Variants in IQCK observed in about 807,000 individuals in gnomAD.
The protein encoded by IQCK is IQ motif containing K, also known as IQ domain-containing protein K.
In IQCK, 29 loss-of-function variants were observed where a neutral mutation model predicts 28.1. The observed-to-expected ratio is 1.03, with a 90% CI of 0.77 to 1.41. The LOEUF (loss-of-function observed/expected upper bound fraction) is 1.41, where lower values mean the gene tolerates loss of function less well. IQCK is among the 40% of genes most tolerant of loss of function. The pLI, the probability that IQCK is intolerant of heterozygous loss-of-function variation, is 0.00. For missense variants in IQCK, 359 were observed against 314.7 expected, an observed-to-expected ratio of 1.14 and a Z score of -1.07; for synonymous variants, 113 against 115.1, an observed-to-expected ratio of 0.98 and a Z score of 0.12.
chr16:19,856,470 C>G lies in IQCK; in HGVS notation c.803-17C>G. On this transcript the variant is annotated splice_polypyrimidine_tract_variant and intron_variant, in intron 9 of 9. Coordinates refer to the IQCK transcript ENST00000320394. ...GTATGTAAATTGATCCTGACTTTCCCTTTCTTTTCTTTGCAGTGAAATGCA... is the reference window on the plus strand; with the variant it reads ...GTATGTAAATTGATCCTGACTTTCCGTTTCTTTTCTTTGCAGTGAAATGCA... 1.9e-6 allele frequency: 3 copies of G among 1,610,556 alleles called. No individual in the cohort carries two copies. The highest frequency in any genetic ancestry group is 2.5e-6 in the Non-Finnish European group (3 of 1,177,336).
At chr16:19,750,426 C>G (rs534436799) in intron 4 of IQCK, among the ~76,000 whole-genome samples, 10 of 150,314 alleles carry the variant, frequency 6.7e-5, no homozygotes, top group African/African-American at 1.5e-4. Flanking sequence ...TGCGCCTGGC[C>G]TAAGTTAATG....
intron 1 of IQCK, among the ~76,000 whole-genome samples, chr16:19,725,817 C>A (rs1001055004): frequency 2.6e-5 from 4 of 152,162 alleles, no homozygotes. Flanking sequence ...CTTCATACTT[C>A]TACATAATCA....
intron 6 of IQCK, among the ~76,000 whole-genome samples, chr16:19,778,600 C>G (rs905062131): frequency 9.2e-5 from 14 of 151,700 alleles, no homozygotes; most frequent in Non-Finnish European, 2.9e-5. Flanking sequence ...GAGGCTGCAG[C>G]GAGCCATTAA....
At chr16:19,775,279 C>T (rs2055375770) in intron 6 of IQCK, among the ~76,000 whole-genome samples, 1 of 151,210 alleles carries the variant, frequency 6.6e-6, no homozygotes, top group South Asian at 2.1e-4. Context: ...ATTCTTGCCA[C>T]TTTACTCTAG....
At chr16:19,823,026 G>T (rs1229173714) in intron 7 of IQCK, among the ~76,000 whole-genome samples, 4 of 152,086 alleles carry the variant, frequency 2.6e-5, no homozygotes, top group Non-Finnish European at 5.9e-5. Context: ...CTGGGGCTAG[G>T]TGGTAGCTGA....
chr16:19,726,295 T>G (rs1977654184), intron 1 of IQCK, among the ~76,000 whole-genome samples: 1 of 152,238 alleles, frequency 6.6e-6, no homozygotes, highest in Non-Finnish European at 1.5e-5. Context: ...ACCATTTTTT[T>G]CTTTTACATG....
At chr16:19,852,957 G>T (rs368894525) in intron 9 of IQCK, among the ~76,000 whole-genome samples, 2 of 152,132 alleles carry the variant, frequency 1.3e-5, no homozygotes, top group African/African-American at 2.4e-5. Flanking sequence ...AAGTTGATGC[G>T]TGTGGCTTCG....
intron 4 of IQCK, among the ~76,000 whole-genome samples, chr16:19,738,729 A>ACAGTGG (rs2054792774): frequency 1.3e-5 from 2 of 152,088 alleles, no homozygotes; most frequent in African/African-American, 4.8e-5. Flanking sequence ...TATCTCAGTG[A>ACAGTGG]TACAGTGGTA....
chr16:19,823,472 C>CTT (rs758067626), intron 7 of IQCK, among the ~76,000 whole-genome samples: 17 of 152,086 alleles, frequency 1.1e-4, no homozygotes, highest in Non-Finnish European at 4.4e-5. Flanking sequence ...TGAGTTGTGG[C>CTT]TTTAAGAAGA....
chr16:19,746,062 G>C (rs551357596), intron 4 of IQCK, among the ~76,000 whole-genome samples: 6 of 151,762 alleles, frequency 4.0e-5, no homozygotes, highest in Non-Finnish European at 8.8e-5. Flanking sequence ...CCAGCTGCTC[G>C]GGAGGCTGAG....
Position 19,857,504 on chromosome 16 carries a change from T to A in IQCK, c.*956T>A, listed in dbSNP as rs1486167921. 32 of 416,616 alleles carry A rather than the reference T, an allele frequency of 7.7e-5. No homozygotes were observed. The Admixed American group carries it at 1.0e-3, about 13-fold the overall frequency. 25.8% of individuals were successfully genotyped at this position (416,616 alleles called of 1,614,324 possible). On this transcript the variant is annotated 3_prime_UTR_variant, in exon 10 of 10. Coordinates refer to the IQCK transcript ENST00000320394. ...ATAAAGGTACATTATAAAACACACATTAATGCATTTAATAAATATATATTA... is the reference window on the plus strand; with the variant it reads ...ATAAAGGTACATTATAAAACACACAATAATGCATTTAATAAATATATATTA...
intron 1 of IQCK, among the ~76,000 whole-genome samples, chr16:19,727,456 A>G (rs900740436): frequency 6.6e-6 from 1 of 151,562 alleles, no homozygotes; most frequent in Non-Finnish European, 1.5e-5. Context: ...GCATGGCAGC[A>G]TGTGCCTGTA....
chr16:19,799,054 T>G (rs1441289776), intron 7 of IQCK, among the ~76,000 whole-genome samples: 1 of 73,794 alleles, frequency 1.4e-5, no homozygotes, highest in Non-Finnish European at 2.1e-5. Context: ...CAGCAATGCA[T>G]ATAAGCTTTT....
Position 19,775,226 on chromosome 16 carries a change from C to CAA in IQCK, c.605+11132_605+11133dup, listed in dbSNP as rs1269665221. On this transcript the variant is annotated intron_variant, in intron 6 of 7. Coordinates refer to ENST00000564186, the Ensembl canonical transcript of IQCK. ...TGGGCGACAGGGTGAGACTCTGTAT[C>CAA]AAAAAAAAAAAAAAAAAAAGAAGAC... Among the ~76,000 whole-genome samples the CAA allele has an allele frequency of 5.7e-3, 470 of 82,406 alleles. 2 individuals are homozygous for CAA. Among genetic ancestry groups the CAA allele is most frequent in the Middle Eastern group, 0.014 (2 of 144 alleles). 54.1% of individuals were successfully genotyped at this position (82,406 alleles called of 152,430 possible). A position where few individuals can be genotyped will look rare whatever the true frequency, so the allele number is the denominator to read the frequency against.
At chr16:19,729,540 T>G (rs927977215) in intron 1 of IQCK, among the ~76,000 whole-genome samples, 1 of 152,146 alleles carries the variant, frequency 6.6e-6, no homozygotes. Context: ...TTGTGTCCTC[T>G]AAGAAAAAGA....
At chr16:19,744,888 C>T (rs983985591) in intron 4 of IQCK, among the ~76,000 whole-genome samples, 1 of 152,176 alleles carries the variant, frequency 6.6e-6, no homozygotes, top group Non-Finnish European at 1.5e-5. Context: ...CTGTGGCCAA[C>T]AATAGATACT....
chr16:19,761,279 G>A (rs2055137648), intron 4 of IQCK: 2 of 418,184 alleles, frequency 4.8e-6, no homozygotes, highest in South Asian at 1.7e-5. Flanking sequence ...TATGAATTTT[G>A]GGGTGATACA....
At chr16:19,798,405 A>G (rs2055715778) in intron 7 of IQCK, among the ~76,000 whole-genome samples, 2 of 119,646 alleles carry the variant, frequency 1.7e-5, no homozygotes, top group Non-Finnish European at 3.0e-5. Flanking sequence ...CGACAGAGCC[A>G]GAGTCCATCA....
chr16:19,721,126 A>C (rs988138598), intron 1 of IQCK, among the ~76,000 whole-genome samples: 1 of 152,232 alleles, frequency 6.6e-6, no homozygotes, highest in Admixed American at 6.5e-5. Flanking sequence ...TAACAAATGC[A>C]GTTTTCTATA....
Sources: allele counts gnomAD v4.1 joint callset (sites outside exome capture counted in the v4.1 genomes callset), GRCh38; gene constraint gnomAD v4.1.1; transcripts MANE v1.5; gene names NCBI Gene and HGNC (gene_info 2026-07-23, HGNC 2026-07-21).